DCDC1: variants seen among roughly 807,000 people sequenced by gnomAD.
DCDC1 encodes doublecortin domain containing 1.
Under a neutral mutation model 178.3 loss-of-function variants are expected in DCDC1, and 200 were observed. The observed-to-expected ratio is 1.12, with a 90% confidence interval of 1.00 to 1.26. DCDC1 has a LOEUF of 1.26. Ranked by LOEUF, DCDC1 falls within the 50% of genes most tolerant of loss-of-function variation. The pLI is 0.00. For synonymous variants in DCDC1, 690 were observed against 604.8 expected (o/e 1.14, Z -2.07); for missense variants, 1,983 against 1,749.2 (o/e 1.13, Z -2.38).
At chr11:31,140,994 T>C (rs943992027) in intron 9 of DCDC1, among the ~76,000 whole-genome samples, 2 of 152,160 alleles carry the variant, frequency 1.3e-5, no homozygotes, top group Admixed American at 1.3e-4. Flanking sequence ...TGAGGAATTC[T>C]TCAAATGTTT....
At chr11:31,261,208 C>T (rs577723623) in intron 8 of DCDC1, among the ~76,000 whole-genome samples, 1 of 152,302 alleles carries the variant, frequency 6.6e-6, no homozygotes, top group Non-Finnish European at 1.5e-5. Flanking sequence ...TGTTTTTGTG[C>T]AGCTTTAATA....
At chr11:31,157,888 A>G (rs1310625130) in intron 9 of DCDC1, among the ~76,000 whole-genome samples, 1 of 152,218 alleles carries the variant, frequency 6.6e-6, no homozygotes, top group Non-Finnish European at 1.5e-5. Flanking sequence ...AACATATGTT[A>G]AGAAAAACAC....
intron 21 of DCDC1, chr11:30,943,603 A>AT (rs1389128427): frequency 9.0e-6 from 4 of 444,030 alleles, no homozygotes; most frequent in African/African-American, 2.0e-5. Context: ...TAGAAGCACA[A>AT]TTTTTCAATT....
intron 38 of DCDC1, among the ~76,000 whole-genome samples, chr11:30,871,222 T>TA (rs1015926255): frequency 3.3e-5 from 5 of 152,128 alleles, no homozygotes; most frequent in African/African-American, 1.2e-4. Context: ...TGCCATATCT[T>TA]AGTGTACAAC....
chr11:31,075,588 T>C (rs1188231947), intron 18 of DCDC1, among the ~76,000 whole-genome samples: 1 of 152,236 alleles, frequency 6.6e-6, no homozygotes, highest in Non-Finnish European at 1.5e-5. Context: ...TAACAGCCAT[T>C]CTAACTAGTG....
intron 20 of DCDC1, among the ~76,000 whole-genome samples, chr11:30,977,666 G>A (rs140329055): frequency 5.9e-5 from 9 of 152,152 alleles, no homozygotes; most frequent in East Asian, 1.9e-4. Flanking sequence ...ATGGTGGCTC[G>A]CACCTGTAAT....
rs553577177 is a variant in DCDC1 at position 31,365,202 on chromosome 11, T to A, written c.-125+4495A>T. Among the ~76,000 whole-genome samples, 9 of 152,292 alleles carry A rather than the reference T, an allele frequency of 5.9e-5. No individual in the cohort carries two copies. In the East Asian group the frequency reaches 1.7e-3, roughly 29 times the overall value. ...ATAAGAGACACTCAACAAATATTTGTCGATTGAGTCAATAGGTGAATGAAG... is the reference window on the plus strand; with the variant it reads ...ATAAGAGACACTCAACAAATATTTGACGATTGAGTCAATAGGTGAATGAAG... On this transcript the variant is annotated intron_variant, in intron 1 of 38. Transcript: ENST00000684477.
At chr11:31,281,920 A>G (rs181652229) in intron 7 of DCDC1, among the ~76,000 whole-genome samples, 177 of 152,236 alleles carry the variant, frequency 1.2e-3, no homozygotes, top group Non-Finnish European at 1.2e-4. Flanking sequence ...AGCAGCATGA[A>G]AACAGACTAA....
At position 30,903,691 on chromosome 11, in the gene DCDC1, A is replaced by T. The variant is rs752987103; in HGVS notation, c.4309-8T>A. On this transcript the variant is annotated splice_region_variant and splice_polypyrimidine_tract_variant and intron_variant, in intron 31 of 38. Transcript: ENST00000684477. ...CGTGCATTCTGTAAGAAGCTAGATA[A>T]CACAGGCAGTAAGGATCTGACAGGC... The T allele has an allele frequency of 6.3e-7, 1 of 1,587,040 alleles. No homozygotes were observed. Among genetic ancestry groups the T allele is most frequent in the South Asian group, 1.2e-5 (1 of 85,326 alleles).
At chr11:31,287,162 G>A (rs1029292057) in intron 7 of DCDC1, among the ~76,000 whole-genome samples, 6 of 151,714 alleles carry the variant, frequency 4.0e-5, no homozygotes, top group African/African-American at 1.5e-4. Context: ...AAGTAAGTCT[G>A]TAACATTAAA....
At chr11:31,218,198 GAA>G (rs1361242725) in intron 9 of DCDC1, among the ~76,000 whole-genome samples, 1 of 151,128 alleles carries the variant, frequency 6.6e-6, no homozygotes, top group Non-Finnish European at 1.5e-5. Context: ...CATTGAAAAA[GAA>G]GAGAAAATAT....
At chr11:31,231,762 G>A (rs896364240) in intron 9 of DCDC1, among the ~76,000 whole-genome samples, 1 of 152,198 alleles carries the variant, frequency 6.6e-6, no homozygotes, top group East Asian at 1.9e-4. Context: ...AAGGCTGAGC[G>A]TTGCCTAAAT....
chr11:30,881,043 G>A, intron 37 of DCDC1, 115 bp downstream of exon 37: 2 of 1,202,566 alleles, frequency 1.7e-6, no homozygotes, highest in Non-Finnish European at 1.1e-6. Flanking sequence ...GAGTAGAAAT[G>A]CTTGGGAGGG....
chr11:31,070,306 T>G (rs937957950), intron 18 of DCDC1, among the ~76,000 whole-genome samples: 6 of 152,126 alleles, frequency 3.9e-5, no homozygotes, highest in Admixed American at 2.0e-4. Context: ...AACCTAATCT[T>G]TCAACTTTTT....
chr11:31,067,453 G>A (rs1351059060), intron 18 of DCDC1, among the ~76,000 whole-genome samples: 4 of 152,198 alleles, frequency 2.6e-5, no homozygotes, highest in Non-Finnish European at 4.4e-5. Context: ...ACAAGAGTTG[G>A]CAAGAATGTG....
At chr11:31,272,128 C>A (rs1479326813) in intron 7 of DCDC1, among the ~76,000 whole-genome samples, 7 of 149,598 alleles carry the variant, frequency 4.7e-5, no homozygotes, top group African/African-American at 1.7e-4. Context: ...TGCCATTGCA[C>A]TCCAGCCTGG....
At chr11:31,171,593 T>G (rs1967249946) in intron 9 of DCDC1, among the ~76,000 whole-genome samples, 1 of 152,208 alleles carries the variant, frequency 6.6e-6, no homozygotes, top group South Asian at 2.1e-4. Context: ...AGCTTTGAAG[T>G]GTCTTCAACT....
At chr11:31,283,663 T>C (rs1486871800) in intron 7 of DCDC1, among the ~76,000 whole-genome samples, 1 of 152,100 alleles carries the variant, frequency 6.6e-6, no homozygotes, top group African/African-American at 2.4e-5. Context: ...AAAATGCAAA[T>C]GTCTCCTTAC....
intron 3 of DCDC1, among the ~76,000 whole-genome samples, chr11:31,310,203 G>T (rs1477145616): frequency 6.6e-6 from 1 of 151,740 alleles, no homozygotes; most frequent in Non-Finnish European, 1.5e-5. Flanking sequence ...AGTGGGAGAA[G>T]GGGTAGTTTT....
Sources: allele counts gnomAD v4.1 joint callset (sites outside exome capture counted in the v4.1 genomes callset), GRCh38; gene constraint gnomAD v4.1.1; transcripts MANE v1.5; gene names NCBI Gene and HGNC (gene_info 2026-07-23, HGNC 2026-07-21).